The following NLGN4X variants were observed in gnomAD, a reference collection of about 807,000 sequenced individuals.
NLGN4X encodes neuroligin-4, X-linked.
Under a neutral mutation model 40.3 loss-of-function variants are expected in NLGN4X, and 3 were observed. The observed-to-expected ratio is 0.07, with a 90% CI of 0.03 to 0.19. The LOEUF (loss-of-function observed/expected upper bound fraction) is 0.19, where lower values mean the gene tolerates loss of function less well. Ranked by LOEUF, NLGN4X falls within the 10% of genes least tolerant of loss-of-function variation. The probability of loss-of-function intolerance (pLI) is 1.00; values close to 1 mark genes in which losing one functional copy is unlikely to be tolerated. For synonymous variants in NLGN4X, 270 were observed against 306.8 expected (o/e 0.88, Z 1.25); for missense variants, 382 against 708.3 (o/e 0.54, Z 5.23).
At chrX:5,907,160 C>G (rs2032234679) in intron 4 of NLGN4X, among the ~76,000 whole-genome samples, 2 of 111,547 alleles carry the variant, frequency 1.8e-5, no homozygotes, top group Admixed American at 1.9e-4. Context: ...ACTGACAACA[C>G]AGAACAAATT....
rs960847399 is a variant in NLGN4X, at chrX:5,892,427, A to T, written c.*390T>A. 1.0e-5 allele frequency: 2 copies of T among 196,511 alleles called. No homozygotes were observed. The highest frequency in any genetic ancestry group is 1.9e-5 in the Non-Finnish European group (2 of 106,748). The allele number at this position is 196,511 out of a possible 1,213,427, so 16.2% of individuals were successfully genotyped here. A position where few individuals can be genotyped will look rare whatever the true frequency, so the allele number is the denominator to read the frequency against. On this transcript the variant is annotated 3_prime_UTR_variant, in exon 6 of 6. Coordinates refer to ENST00000381095, the MANE Select transcript of NLGN4X (RefSeq NM_181332.3). ...AAATGTTTAAACTTCCATTGTAATT[A>T]AAAAATATCAAGTGTCCTTGGCTGA... is the stretch of plus-strand genomic sequence containing the variant.
intron 3 of NLGN4X, among the ~76,000 whole-genome samples, chrX:5,959,382 T>A (rs1324212667): frequency 8.9e-6 from 1 of 111,993 alleles, no homozygotes; most frequent in African/African-American, 3.2e-5. Context: ...CCAATTTGTA[T>A]GTTTTGAATA....
intron 2 of NLGN4X, among the ~76,000 whole-genome samples, chrX:6,058,977 T>C (rs1210775316): frequency 5.4e-5 from 6 of 111,543 alleles, no homozygotes; most frequent in Non-Finnish European, 1.1e-4. Context: ...ATCACAAAAA[T>C]ATTTTATAGT....
At chrX:6,003,496 A>T (rs1336621022) in intron 3 of NLGN4X, among the ~76,000 whole-genome samples, 1 of 112,007 alleles carries the variant, frequency 8.9e-6, no homozygotes, top group Non-Finnish European at 1.9e-5. Context: ...GAGAACAGGA[A>T]TCTATAAACT....
chrX:5,899,318 C>T (rs2031710691), intron 5 of NLGN4X, among the ~76,000 whole-genome samples: 1 of 111,879 alleles, frequency 8.9e-6, no homozygotes, highest in East Asian at 2.8e-4. Context: ...ACTCTCTCTA[C>T]CTGCAGCTTT....
intron 1 of NLGN4X, among the ~76,000 whole-genome samples, chrX:6,225,248 G>A (rs1325757596): frequency 3.7e-5 from 4 of 107,145 alleles, no homozygotes; most frequent in Non-Finnish European, 5.8e-5. Context: ...TGTGCCATTA[G>A]CCATCCCTCC....
At position 6,172,990 on chromosome X, in the gene NLGN4X, G is replaced by A. The variant is rs558166527; in HGVS notation, c.-305-21219C>T. Among the ~76,000 whole-genome samples the A allele has an allele frequency of 3.0e-4, 34 of 112,137 alleles. 1 individual carries two copies. In the South Asian group the frequency reaches 0.01, roughly 34 times the overall value. On this transcript the variant is annotated intron_variant, in intron 1 of 5. Transcript: ENST00000381095. ...GACAATTCCCTTACAGACACAGAGCGTGGGCCCTCACCCCTACTCCACTCT... is the reference window on the plus strand; with the variant it reads ...GACAATTCCCTTACAGACACAGAGCATGGGCCCTCACCCCTACTCCACTCT...
chrX:5,925,600 T>C (rs2033237476), intron 3 of NLGN4X, among the ~76,000 whole-genome samples: 1 of 108,158 alleles, frequency 9.2e-6, no homozygotes, highest in Non-Finnish European at 1.9e-5. Flanking sequence ...TTTTGAACAT[T>C]ACTGCTGAAG....
At chrX:6,132,614 C>A (rs1453956125) in intron 2 of NLGN4X, among the ~76,000 whole-genome samples, 1 of 111,564 alleles carries the variant, frequency 9.0e-6, no homozygotes, top group East Asian at 2.8e-4. Flanking sequence ...TCTGCTATGC[C>A]TAATAACATT....
intron 3 of NLGN4X, among the ~76,000 whole-genome samples, chrX:5,937,151 C>T (rs1420830756): frequency 9.1e-6 from 1 of 110,226 alleles, no homozygotes; most frequent in Non-Finnish European, 1.9e-5. Flanking sequence ...TCACAGCTCA[C>T]TGCAGCCTCA....
rs752868573 is a variant in NLGN4X at position 6,040,217 on chromosome X, G to A, written c.473-10785C>T. On this transcript the variant is annotated intron_variant, in intron 2 of 5. Transcript: ENST00000381095. The stretch of plus-strand genomic sequence containing the variant: ...AGCCTCCCAAAGTGCTGTATTACAG[G>A]TGTGAGCCACTGTGTCCAGCTCCGA... 5.4e-5 allele frequency among the ~76,000 whole-genome samples: 6 copies of A among 111,592 alleles called. No individual in the cohort carries two copies. The South Asian group carries it at 1.1e-3, about 21-fold the overall frequency.
chrX:5,898,232 A>T (rs1361077240), intron 5 of NLGN4X, among the ~76,000 whole-genome samples: 6 of 38,497 alleles, frequency 1.6e-4, no homozygotes, highest in African/African-American at 2.2e-4. Context: ...CTCCCCCCTT[A>T]CCTCTTTCTT....
Position 6,000,168 on chromosome X carries a change from G to A in NLGN4X, c.625+29112C>T, listed in dbSNP as rs147251057. Among the ~76,000 whole-genome samples, 77 of 112,300 alleles carry A rather than the reference G, an allele frequency of 6.9e-4. 1 individual carries two copies. The highest frequency in any genetic ancestry group is 4.7e-3 in the Middle Eastern group (1 of 215). Reference sequence around the variant, plus strand: ...TATCTGCTGACTGGCCACAGAAGATGCCTCCCAGTATGTGAGTTACACAAC... The same window carrying A: ...TATCTGCTGACTGGCCACAGAAGATACCTCCCAGTATGTGAGTTACACAAC... On this transcript the variant is annotated intron_variant, in intron 3 of 5. Coordinates refer to ENST00000381095, the MANE Select transcript of NLGN4X (RefSeq NM_181332.3).
chrX:6,226,163 G>T (rs1467519521), intron 1 of NLGN4X, among the ~76,000 whole-genome samples: 1 of 108,422 alleles, frequency 9.2e-6, no homozygotes, highest in African/African-American at 3.4e-5. Context: ...CGCACCGCAG[G>T]GGCCAAAACC....
intron 2 of NLGN4X, among the ~76,000 whole-genome samples, chrX:6,050,073 A>G (rs2037442660): frequency 8.9e-6 from 1 of 111,990 alleles, no homozygotes; most frequent in South Asian, 3.8e-4. Context: ...CCCACTTCAG[A>G]GCCACAGAAT....
At chrX:6,147,522 T>C (rs1228117686) in intron 2 of NLGN4X, among the ~76,000 whole-genome samples, 1 of 112,017 alleles carries the variant, frequency 8.9e-6, no homozygotes, top group Non-Finnish European at 1.9e-5. Flanking sequence ...CCCTCATGTA[T>C]GAACTCAAGT....
chrX:5,976,442 A>G (rs765395369), intron 3 of NLGN4X, among the ~76,000 whole-genome samples: 4 of 112,119 alleles, frequency 3.6e-5, no homozygotes, highest in Non-Finnish European at 5.6e-5. Flanking sequence ...TATGTCAGAG[A>G]AACCTCATTC....
intron 2 of NLGN4X, among the ~76,000 whole-genome samples, chrX:6,125,154 T>C (rs1261424149): frequency 2.7e-5 from 3 of 112,101 alleles, no homozygotes; most frequent in African/African-American, 9.7e-5. Flanking sequence ...AAAGGGATAA[T>C]TAAAACTTCA....
chrX:6,023,845 G>A (rs1332628287), intron 3 of NLGN4X, among the ~76,000 whole-genome samples: 3 of 112,014 alleles, frequency 2.7e-5, no homozygotes, highest in African/African-American at 9.7e-5. Context: ...AATGGAGGTA[G>A]ATGAAATCCA....
Sources: gnomAD v4.1 joint callset for allele counts (sites outside exome capture counted in the v4.1 genomes callset) on GRCh38, gnomAD v4.1.1 for gene constraint, MANE v1.5 for transcripts, NCBI Gene and HGNC (gene_info 2026-07-23, HGNC 2026-07-21) for gene names.